The following FAM78B variants were observed in gnomAD, a reference collection of about 807,000 sequenced individuals.
FAM78B encodes the protein protein FAM78B.
In FAM78B, 10 loss-of-function variants were observed where a neutral mutation model predicts 20.0. That is an observed-to-expected ratio of 0.50 (90% confidence interval 0.31 to 0.85). FAM78B has a LOEUF of 0.85. FAM78B is among the 40% of genes least tolerant of loss of function. The pLI is 0.05. For missense variants in FAM78B, 283 were observed against 345.0 expected (o/e 0.82, Z 1.42); for synonymous variants, 135 against 132.8 (o/e 1.02, Z -0.12).
At chr1:166,067,366 C>T (rs763606756), downstream of FAM78B, among the ~76,000 whole-genome samples, 30 of 152,054 alleles carry the variant, frequency 2.0e-4, no homozygotes, top group Non-Finnish European at 2.9e-4. Context: ...CTTTTTCCTA[C>T]GTAATTCAAA....
intron 1 of FAM78B, among the ~76,000 whole-genome samples, chr1:166,109,860 ATGTATG>A (rs1258028339): frequency 0.019 from 422 of 22,458 alleles, 104 homozygotes; most frequent in East Asian, 0.033. Context: ...ATATATATAT[ATGTATG>A]TGTATATATA....
intron 1 of FAM78B, among the ~76,000 whole-genome samples, chr1:166,136,060 A>G (rs61835125): frequency 0.071 from 10,800 of 152,186 alleles, 466 homozygotes; most frequent in South Asian, 0.14. Flanking sequence ...TTTTTCAAAC[A>G]GTTCTTTTAA....
intron 1 of FAM78B, among the ~76,000 whole-genome samples, chr1:166,157,031 GGCGGA>G (rs60971151): frequency 0.63 from 15,486 of 24,716 alleles, 6,365 homozygotes; most frequent in Non-Finnish European, 0.82. Context: ...TCAAGGGGGC[GGCGGA>G]GGGGGGGGGG....
intron 1 of FAM78B, among the ~76,000 whole-genome samples, chr1:166,100,629 G>T (rs182223259): frequency 6.6e-6 from 1 of 152,374 alleles, no homozygotes; most frequent in East Asian, 1.9e-4. Context: ...CTGCAAGGTG[G>T]CAGCAAGGCT....
chr1:166,101,796 TC>T lies in FAM78B; in HGVS notation c.264-31034del, dbSNP rs201716301. ...TTGGAAAACACTCTGCAGGATATTA[TC>T]CAGGAGAACTTCCCCAATCTAGTAA... is the stretch of plus-strand genomic sequence containing the variant. On this transcript the variant is annotated intron_variant, in intron 1 of 1. Coordinates refer to ENST00000354422, the MANE Select transcript of FAM78B (RefSeq NM_001017961.5). 3.8e-3 allele frequency among the ~76,000 whole-genome samples: 570 copies of T among 151,804 alleles called. 8 individuals are homozygous for T. The East Asian group carries it at 0.055, about 15-fold the overall frequency.
chr1:166,099,946 C>T (rs542635327), intron 1 of FAM78B, among the ~76,000 whole-genome samples: 12 of 152,144 alleles, frequency 7.9e-5, no homozygotes, highest in African/African-American at 2.4e-4. Context: ...ATACAACAGC[C>T]GCAGAATACA....
At position 166,070,714 on chromosome 1, in the gene FAM78B, T is replaced by C; in HGVS notation, c.313A>G (p.Ser105Gly). Residue 105 changes from serine (S) to glycine (G), a missense_variant, in exon 2 of 2, where the codon AGT becomes GGT. Ser to Gly is a moderately conservative substitution (Grantham distance 56). Transcript: ENST00000354422. ...DLREGRVKAISDSDGVSYPWY... is the reference protein window; with the variant it reads ...DLREGRVKAIGDSDGVSYPWY... ...GGGTAGCTCACCCCATCTGAGTCACTGATGGCTTTTACTCTCCCTTCCCTC... is the reference window on the plus strand; with the variant it reads ...GGGTAGCTCACCCCATCTGAGTCACCGATGGCTTTTACTCTCCCTTCCCTC... 1 of 1,604,744 alleles carries C rather than the reference T, an allele frequency of 6.2e-7. No individual in the cohort carries two copies. The highest frequency in any genetic ancestry group is 8.5e-7 in the Non-Finnish European group (1 of 1,175,158).
At chr1:166,069,269 T>C (rs1212376208), downstream of FAM78B, among the ~76,000 whole-genome samples, 2 of 150,806 alleles carry the variant, frequency 1.3e-5, no homozygotes. Flanking sequence ...CCATTCCATA[T>C]GTTCAGATCA....
chr1:166,124,701 T>G (rs1468278410), intron 1 of FAM78B, among the ~76,000 whole-genome samples: 1 of 152,248 alleles, frequency 6.6e-6, no homozygotes, highest in Non-Finnish European at 1.5e-5. Context: ...ATCCTTGCAC[T>G]GCTGGTATTG....
intron 1 of FAM78B, among the ~76,000 whole-genome samples, chr1:166,134,861 T>C (rs902960078): frequency 1.1e-4 from 16 of 152,240 alleles, no homozygotes; most frequent in Non-Finnish European, 1.8e-4. Context: ...CAACACATAC[T>C]GTTTCTAGGA....
intron 1 of FAM78B, among the ~76,000 whole-genome samples, chr1:166,079,185 C>T (rs932600489): frequency 5.3e-5 from 8 of 152,066 alleles, no homozygotes; most frequent in East Asian, 1.9e-4. Context: ...CTCCTGCCTC[C>T]GCCCGCCAAG....
intron 1 of FAM78B, among the ~76,000 whole-genome samples, chr1:166,102,504 T>C (rs1265571051): frequency 6.6e-6 from 1 of 152,018 alleles, no homozygotes; most frequent in African/African-American, 2.4e-5. Context: ...AATAAAGGGA[T>C]GGAGGAAGAT....
intron 1 of FAM78B, among the ~76,000 whole-genome samples, chr1:166,116,491 A>C (rs367890619): frequency 3.3e-5 from 5 of 152,320 alleles, no homozygotes; most frequent in African/African-American, 1.2e-4. Flanking sequence ...TCTATCAAGA[A>C]GGTACTTTGG....
downstream of FAM78B, among the ~76,000 whole-genome samples, chr1:166,066,047 A>G (rs987243408): frequency 1.3e-5 from 2 of 152,196 alleles, no homozygotes; most frequent in Non-Finnish European, 2.9e-5. Flanking sequence ...CAGGGCTTGG[A>G]AAGCCATTGT....
chr1:166,098,939 T>C (rs1470279572), intron 1 of FAM78B, among the ~76,000 whole-genome samples: 4 of 152,148 alleles, frequency 2.6e-5, no homozygotes, highest in African/African-American at 9.7e-5. Flanking sequence ...CTAGACACAC[T>C]GTCATCAGGT....
At chr1:166,064,245 G>A (rs73033931) in intron 2 of FAM78B, among the ~76,000 whole-genome samples, 6,119 of 152,144 alleles carry the variant, frequency 0.04, 384 homozygotes, top group African/African-American at 0.14. Context: ...GCACCCACAC[G>A]GCCAAATCTG....
At chr1:166,143,307 G>A (rs972127135) in intron 1 of FAM78B, among the ~76,000 whole-genome samples, 3 of 152,176 alleles carry the variant, frequency 2.0e-5, no homozygotes, top group Middle Eastern at 3.4e-3. Context: ...GAGAGGAGAG[G>A]GTAAGCCTGG....
chr1:166,100,728 A>G (rs1653481050), intron 1 of FAM78B, among the ~76,000 whole-genome samples: 1 of 152,258 alleles, frequency 6.6e-6, no homozygotes, highest in South Asian at 2.1e-4. Context: ...CCGTAGCTCA[A>G]GGAGGCCTGC....
At chr1:166,146,588 G>T (rs1557916973) in intron 1 of FAM78B, among the ~76,000 whole-genome samples, 1 of 152,184 alleles carries the variant, frequency 6.6e-6, no homozygotes. Context: ...GGCAAGGGGG[G>T]TCTGAGGTTG....
Sources: allele counts gnomAD v4.1 joint callset (sites outside exome capture counted in the v4.1 genomes callset), GRCh38; gene constraint gnomAD v4.1.1; transcripts MANE v1.5; gene names NCBI Gene and HGNC (gene_info 2026-07-23, HGNC 2026-07-21).